The following ANAPC5 variants were observed in gnomAD, a reference collection of about 807,000 sequenced individuals.
ANAPC5 encodes the protein anaphase promoting complex subunit 5.
A neutral mutation model predicts 91.3 loss-of-function variants in ANAPC5; 60 were observed. The observed-to-expected ratio is 0.66, with a 90% CI of 0.53 to 0.81. The LOEUF (loss-of-function observed/expected upper bound fraction) is 0.81. Ranked by LOEUF, ANAPC5 falls within the 40% of genes least tolerant of loss-of-function variation. ANAPC5 has a pLI of 0.00. For missense variants in ANAPC5, 690 were observed against 931.5 expected, an observed-to-expected ratio of 0.74 and a Z score of 3.37; for synonymous variants, 340 against 364.1, an observed-to-expected ratio of 0.93 and a Z score of 0.75.
At position 121,331,429 on chromosome 12, in the gene ANAPC5, C is replaced by T; in HGVS notation, c.951-1G>A. ...CTGCAGGGCGAGCTCTGCCTGTTGA[C>T]TAATGACAGACTAAACATTAATATC... On this transcript the variant is annotated splice_acceptor_variant, in intron 7 of 16. Coordinates refer to ENST00000261819, the MANE Select transcript of ANAPC5 (RefSeq NM_016237.5). LOFTEE classifies it high-confidence loss of function. 1 of 1,606,836 alleles carries T rather than the reference C, an allele frequency of 6.2e-7. No individual in the cohort carries two copies. Among genetic ancestry groups the T allele is most frequent in the South Asian group, 1.1e-5 (1 of 90,938 alleles).
chr12:121,329,646 AT>A (rs1902958544), intron 9 of ANAPC5, among the ~76,000 whole-genome samples: 1 of 140,186 alleles, frequency 7.1e-6, no homozygotes, highest in South Asian at 2.2e-4. Context: ...ATGGAATTTC[AT>A]TCTTGTTGCC....
chr12:121,337,406 A>G lies in ANAPC5; in HGVS notation c.658-14T>C. On this transcript the variant is annotated splice_polypyrimidine_tract_variant and intron_variant, in intron 5 of 16. Transcript: ENST00000261819. ...TAGCAAAGAAGCCTGAAATTTAAAA[A>G]TGGTAACTCAGTAGAAAGAAAGGGT... 6.4e-6 allele frequency: 10 copies of G among 1,569,600 alleles called. No individual in the cohort carries two copies. The highest frequency in any genetic ancestry group is 7.9e-6 in the Non-Finnish European group (9 of 1,140,526).
At chr12:121,317,436 T>C (rs1593577158) in intron 15 of ANAPC5, among the ~76,000 whole-genome samples, 1 of 152,088 alleles carries the variant, frequency 6.6e-6, no homozygotes, top group African/African-American at 2.4e-5. Flanking sequence ...GTATTTTTAA[T>C]AGAGATGGGG....
Position 121,346,039 on chromosome 12 carries a change from A to G in ANAPC5, c.398-8T>C. The G allele has an allele frequency of 6.3e-7, 1 of 1,595,782 alleles. No individual in the cohort carries two copies. The highest frequency in any genetic ancestry group is 8.5e-7 in the Non-Finnish European group (1 of 1,172,186). On this transcript the variant is annotated splice_region_variant and splice_polypyrimidine_tract_variant and intron_variant, in intron 3 of 16. Transcript: ENST00000261819. ...TGTGACGCAGAAACAAACCTACAAA[A>G]TAAGACGAGAGACAAGGGGAAAGCA... is the stretch of plus-strand genomic sequence containing the variant.
chr12:121,345,507 G>C (rs930015228), intron 4 of ANAPC5, among the ~76,000 whole-genome samples: 2 of 152,022 alleles, frequency 1.3e-5, no homozygotes, highest in African/African-American at 4.8e-5. Flanking sequence ...CCTAGTCACC[G>C]AACCCCCTGA....
chr12:121,336,169 A>T (rs965350461), intron 6 of ANAPC5, among the ~76,000 whole-genome samples: 1 of 150,200 alleles, frequency 6.7e-6, no homozygotes, highest in Non-Finnish European at 1.5e-5. Context: ...AATTATTTTC[A>T]TTTTTTTTTT....
intron 8 of ANAPC5, chr12:121,331,082 A>C (rs1440557809): frequency 7.0e-6 from 3 of 428,834 alleles, no homozygotes; most frequent in Middle Eastern, 6.4e-4. Context: ...GCCAGTGCTA[A>C]ATGTGATAAA....
intron 9 of ANAPC5, among the ~76,000 whole-genome samples, chr12:121,329,759 G>C (rs1192033248): frequency 6.6e-6 from 1 of 152,048 alleles, no homozygotes; most frequent in African/African-American, 2.4e-5. Context: ...GGGATCACAG[G>C]CATGTCCCAC....
rs113828403 is a variant in ANAPC5, at chr12:121,346,084, C to T, written c.398-53G>A. On this transcript the variant is annotated intron_variant, in intron 3 of 16. Transcript: ENST00000261819. The stretch of plus-strand genomic sequence containing the variant: ...AAAGCATTAACTGACATCCAGGCTA[C>T]GCAATGGCAACTCCACAATGGCAAT... 2.9e-4 allele frequency: 408 copies of T among 1,427,274 alleles called. 5 individuals are homozygous for T. The African/African-American group carries it at 3.4e-3, about 12-fold the overall frequency. The allele number at this position is 1,427,274 out of a possible 1,614,324, so 88.4% of individuals were successfully genotyped here.
intron 5 of ANAPC5, among the ~76,000 whole-genome samples, chr12:121,340,054 C>G (rs537838667): frequency 2.0e-5 from 3 of 151,372 alleles, no homozygotes; most frequent in Admixed American, 6.6e-5. Flanking sequence ...CAGTGGCTCA[C>G]GCCTGTAATC....
chr12:121,345,078 G>C (rs913481920), intron 4 of ANAPC5, among the ~76,000 whole-genome samples: 1 of 152,172 alleles, frequency 6.6e-6, no homozygotes, highest in Admixed American at 6.5e-5. Flanking sequence ...AGGGGTAGCA[G>C]TGGCTATGAG....
intron 7 of ANAPC5, chr12:121,334,480 G>A (rs369115044): frequency 6.6e-6 from 1 of 152,176 alleles, no homozygotes; most frequent in Non-Finnish European, 1.5e-5. Flanking sequence ...AGGGCAGGTG[G>A]GGGGGTGAAG....
At chr12:121,351,870 G>A (rs1903904948) in intron 1 of ANAPC5, among the ~76,000 whole-genome samples, 1 of 151,938 alleles carries the variant, frequency 6.6e-6, no homozygotes, top group African/African-American at 2.4e-5. Context: ...AGAAGATACA[G>A]GATCTGAGAC....
rs530248932 is a variant in ANAPC5, at chr12:121,323,260, G to A, written c.1441-2801C>T. 9.9e-5 allele frequency among the ~76,000 whole-genome samples: 15 copies of A among 152,018 alleles called. No individual in the cohort carries two copies. The South Asian group carries it at 3.1e-3, about 32-fold the overall frequency. ...AATGACTAGATTGAAATGTTTTCATGTTTTTGGGCCATGCTTTCTGTGAAT... is the reference window on the plus strand; with the variant it reads ...AATGACTAGATTGAAATGTTTTCATATTTTTGGGCCATGCTTTCTGTGAAT... On this transcript the variant is annotated intron_variant, in intron 11 of 16. Coordinates refer to ENST00000261819, the MANE Select transcript of ANAPC5 (RefSeq NM_016237.5).
At chr12:121,348,328 C>T (rs912837354) in intron 1 of ANAPC5, among the ~76,000 whole-genome samples, 1 of 152,166 alleles carries the variant, frequency 6.6e-6, no homozygotes, top group Non-Finnish European at 1.5e-5. Flanking sequence ...TCTCCCAAAC[C>T]TTGTAAGGTA....
At chr12:121,349,940 A>C (rs1456957984) in intron 1 of ANAPC5, among the ~76,000 whole-genome samples, 1 of 151,816 alleles carries the variant, frequency 6.6e-6, no homozygotes, top group Admixed American at 6.6e-5. Context: ...CGAACTCCTG[A>C]CCTCAAGTGA....
At chr12:121,344,480 A>C (rs1455483342) in intron 4 of ANAPC5, among the ~76,000 whole-genome samples, 1 of 149,970 alleles carries the variant, frequency 6.7e-6, no homozygotes, top group Non-Finnish European at 1.5e-5. Flanking sequence ...CTTGGTTGGG[A>C]GGTGGAGGCA....
chr12:121,316,253 T>C (rs1206255532), intron 15 of ANAPC5, among the ~76,000 whole-genome samples: 3 of 152,136 alleles, frequency 2.0e-5, no homozygotes, highest in African/African-American at 7.2e-5. Context: ...CACCCCTTCA[T>C]ACCCACTAGG....
intron 1 of ANAPC5, chr12:121,351,208 A>C (rs1555275311): frequency 5.5e-6 from 2 of 364,276 alleles, no homozygotes; most frequent in Admixed American, 7.1e-5. Context: ...CCGTCTCTAC[A>C]AAAAATGCAA....
Sources: gnomAD v4.1 joint callset for allele counts (sites outside exome capture counted in the v4.1 genomes callset) on GRCh38, gnomAD v4.1.1 for gene constraint, MANE v1.5 for transcripts, NCBI Gene and HGNC (gene_info 2026-07-23, HGNC 2026-07-21) for gene names.